DCAF8L2: variants seen among roughly 807,000 people sequenced by gnomAD.
DCAF8L2 encodes the protein DDB1- and CUL4-associated factor 8-like protein 2.
For synonymous variants in DCAF8L2, 200 were observed against 190.9 expected, an observed-to-expected ratio of 1.05 and a Z score of -0.39; for missense variants, 430 against 490.7, an observed-to-expected ratio of 0.88 and a Z score of 1.17.
At chrX:27,717,075 A>G (rs745931156) in intron 4 of DCAF8L2, among the ~76,000 whole-genome samples, 6 of 112,067 alleles carry the variant, frequency 5.4e-5, no homozygotes, top group African/African-American at 1.9e-4. Context: ...GTTCCTTTTT[A>G]TGCCTGCATA....
intron 1 of DCAF8L2, among the ~76,000 whole-genome samples, chrX:27,629,908 A>AT (rs2147169675): frequency 8.9e-6 from 1 of 111,982 alleles, no homozygotes; most frequent in East Asian, 2.8e-4. Flanking sequence ...TAGTATGGAC[A>AT]TTTTAACATC....
chrX:27,747,499 C>A lies in DCAF8L2; in HGVS notation c.604C>A (p.Pro202Thr). ...ALHQRQLGSR[P>T]RFVYEACGAR... ...TCACCAGCGGCAGCTGGGTTCACGT[C>A]CCCGCTTTGTATATGAGGCCTGTGG... The change falls in exon 5 of 5, where the codon CCC (proline) becomes ACC (threonine). Residue 202 changes from proline to threonine, a missense_variant. Physicochemically the swap from Pro to Thr is conservative, Grantham distance 38. Coordinates refer to ENST00000451261, the MANE Select transcript of DCAF8L2 (RefSeq NM_001353450.2). 1.7e-6 allele frequency: 2 copies of A among 1,177,217 alleles called. No individual in the cohort carries two copies. The highest frequency in any genetic ancestry group is 1.1e-6 in the Non-Finnish European group (1 of 877,940).
intron 4 of DCAF8L2, among the ~76,000 whole-genome samples, chrX:27,742,395 C>G (rs1198144378): frequency 9.1e-6 from 1 of 109,774 alleles, no homozygotes; most frequent in Admixed American, 9.7e-5. Flanking sequence ...ATGGTGGAAC[C>G]CCGTCTCCAC....
At chrX:27,477,411 C>T in the DCAF8L2 span, among the ~76,000 whole-genome samples, 1 of 111,132 alleles carries the variant, frequency 9.0e-6, no homozygotes, top group Admixed American at 9.5e-5. Context: ...TCTCAGCCTC[C>T]CAAGTAGCTG....
At chrX:27,661,155 G>A (rs1259933059) in intron 2 of DCAF8L2, among the ~76,000 whole-genome samples, 1 of 111,791 alleles carries the variant, frequency 8.9e-6, no homozygotes, top group Non-Finnish European at 1.9e-5. Context: ...TCTGTAATAG[G>A]CTTAGGGCTT....
chrX:27,677,834 A>C lies in DCAF8L2; in HGVS notation c.-219-2A>C, dbSNP rs1930193334. On this transcript the variant is annotated splice_acceptor_variant, in intron 2 of 4. Coordinates refer to ENST00000451261, the MANE Select transcript of DCAF8L2 (RefSeq NM_001353450.2). LOFTEE classifies it low-confidence loss of function (5UTR_SPLICE). Reference sequence around the variant, plus strand: ...TGACTCTAACTGTTGCTGCTTTTGCAGATGTGTTTTCTTAATTGAAGAAAA... The same window carrying C: ...TGACTCTAACTGTTGCTGCTTTTGCCGATGTGTTTTCTTAATTGAAGAAAA... 8.9e-6 allele frequency: 1 copy of C among 111,947 alleles called. No homozygotes were observed. Among genetic ancestry groups the C allele is most frequent in the African/African-American group, 3.2e-5 (1 of 30,832 alleles). 9.2% of individuals were successfully genotyped at this position (111,947 alleles called of 1,213,427 possible).
chrX:27,497,492 C>A, the DCAF8L2 span, among the ~76,000 whole-genome samples: 1 of 97,500 alleles, frequency 1.0e-5, no homozygotes, highest in East Asian at 3.6e-4. Context: ...TTGGCAAACA[C>A]CATTATTCTT....
chrX:27,670,031 A>G (rs1453000239), intron 2 of DCAF8L2, among the ~76,000 whole-genome samples: 1 of 110,912 alleles, frequency 9.0e-6, no homozygotes, highest in Non-Finnish European at 1.9e-5. Context: ...TAGTTCTATA[A>G]CCTACCCAAT....
intron 3 of DCAF8L2, among the ~76,000 whole-genome samples, chrX:27,692,344 T>C (rs1341116338): frequency 8.9e-6 from 1 of 111,951 alleles, no homozygotes; most frequent in East Asian, 2.8e-4. Context: ...AGACAGGATT[T>C]ACTCACTTAC....
At chrX:27,575,272 T>G in the DCAF8L2 span, among the ~76,000 whole-genome samples, 2 of 111,458 alleles carry the variant, frequency 1.8e-5, no homozygotes, top group Non-Finnish European at 3.8e-5. Context: ...CATTTGTGTC[T>G]TCTTCCGCTG....
rs1436725696 is a variant in DCAF8L2, at chrX:27,746,877, A to G, written c.-19A>G. On this transcript the variant is annotated 5_prime_UTR_variant, in exon 5 of 5. Coordinates refer to ENST00000451261, the MANE Select transcript of DCAF8L2 (RefSeq NM_001353450.2). Reference sequence around the variant, plus strand: ...TGGCCTTTGCAGTTCCAGATCTACTACAGCAAACATCGTTCAAGATGTCCC... The same window carrying G: ...TGGCCTTTGCAGTTCCAGATCTACTGCAGCAAACATCGTTCAAGATGTCCC... 2 of 1,179,035 alleles carry G rather than the reference A, an allele frequency of 1.7e-6. No individual in the cohort carries two copies. Among genetic ancestry groups the G allele is most frequent in the African/African-American group, 3.6e-5 (2 of 56,008 alleles).
chrX:27,598,638 C>T (rs374849815), intron 1 of DCAF8L2, among the ~76,000 whole-genome samples: 3 of 111,890 alleles, frequency 2.7e-5, no homozygotes, highest in South Asian at 7.4e-4. Flanking sequence ...GCATGCAGCA[C>T]GTAACCCTTG....
At chrX:27,475,261 A>T in the DCAF8L2 span, among the ~76,000 whole-genome samples, 1 of 111,802 alleles carries the variant, frequency 8.9e-6, no homozygotes, top group South Asian at 3.7e-4. Flanking sequence ...ATTTCCTGCA[A>T]GGACATTTTG....
At chrX:27,623,602 T>G (rs1927883612) in intron 1 of DCAF8L2, among the ~76,000 whole-genome samples, 1 of 111,113 alleles carries the variant, frequency 9.0e-6, no homozygotes, top group Admixed American at 9.6e-5. Flanking sequence ...AACTTTCTAC[T>G]TACTGCCTAC....
chrX:27,654,078 G>T (rs1929257720), intron 2 of DCAF8L2, among the ~76,000 whole-genome samples: 1 of 111,131 alleles, frequency 9.0e-6, no homozygotes, highest in Non-Finnish European at 1.9e-5. Flanking sequence ...AGTCAGAAAT[G>T]ATATGTGTCA....
intron 3 of DCAF8L2, among the ~76,000 whole-genome samples, chrX:27,687,180 A>C (rs1262929532): frequency 8.9e-6 from 1 of 112,199 alleles, no homozygotes; most frequent in Non-Finnish European, 1.9e-5. Context: ...TGTGTAGCCT[A>C]TACATATGTA....
chrX:27,506,141 G>T, the DCAF8L2 span, among the ~76,000 whole-genome samples: 2 of 111,476 alleles, frequency 1.8e-5, no homozygotes, highest in Admixed American at 1.9e-4. Context: ...AGAGCAATGA[G>T]AAAAAAATAT....
chrX:27,746,439 C>G (rs889462353), intron 4 of DCAF8L2, among the ~76,000 whole-genome samples: 10 of 112,021 alleles, frequency 8.9e-5, no homozygotes, highest in African/African-American at 3.2e-4. Context: ...CTGTTCTTGC[C>G]TACATCTTCA....
chrX:27,707,759 T>C lies in DCAF8L2; in HGVS notation c.-142-8329T>C, dbSNP rs150592150. Among the ~76,000 whole-genome samples the C allele has an allele frequency of 4.3e-3, 476 of 111,179 alleles. 8 individuals are homozygous for C. Among genetic ancestry groups the C allele is most frequent in the Admixed American group, 0.03 (314 of 10,396 alleles). On this transcript the variant is annotated intron_variant, in intron 3 of 4. Transcript: ENST00000451261. ...TTGGGCTTTGTGTTCCCATAATATG[T>C]TAATATTTGCACTAGGGGGTTATAA...
Sources: gnomAD v4.1 joint callset for allele counts (sites outside exome capture counted in the v4.1 genomes callset) on GRCh38, gnomAD v4.1.1 for gene constraint, MANE v1.5 for transcripts, NCBI Gene and HGNC (gene_info 2026-07-23, HGNC 2026-07-21) for gene names.